The following NAA16 variants were observed in gnomAD, a reference collection of about 807,000 sequenced individuals.
NAA16 encodes the protein N-alpha-acetyltransferase 16, NatA auxiliary subunit.
Under a neutral mutation model 110.3 loss-of-function variants are expected in NAA16, and 97 were observed. The observed-to-expected ratio is 0.88, with a 90% CI of 0.75 to 1.04. The LOEUF (loss-of-function observed/expected upper bound fraction) is 1.04, where lower values mean the gene tolerates loss of function less well. Among genes scored for constraint, NAA16 ranks in the 50% least tolerant of loss-of-function variants. The pLI is 0.00. For missense variants in NAA16, 1,017 were observed against 1,005.1 expected (o/e 1.01, Z -0.16); for synonymous variants, 372 against 330.6 (o/e 1.13, Z -1.36).
intron 18 of NAA16, chr13:41,373,992 G>T: frequency 1.5e-6 from 1 of 658,116 alleles, no homozygotes; most frequent in Non-Finnish European, 2.1e-6. Context: ...TTATTCAAAG[G>T]GTTTGTGATA....
intron 13 of NAA16, among the ~76,000 whole-genome samples, chr13:41,365,756 G>A (rs2043195934): frequency 2.6e-5 from 4 of 152,312 alleles, no homozygotes; most frequent in African/African-American, 9.6e-5. Context: ...CAGCCTATGG[G>A]CTGTTACTGA....
rs2042224559 is a variant in NAA16 at position 41,331,071 on chromosome 13, G to A, written c.812-203G>A. Among the ~76,000 whole-genome samples, 6 of 152,002 alleles carry A rather than the reference G, an allele frequency of 3.9e-5. No individual in the cohort carries two copies. In the South Asian group the frequency reaches 1.2e-3, roughly 31 times the overall value. On this transcript the variant is annotated intron_variant, in intron 7 of 19. Transcript: ENST00000379406. Reference sequence around the variant, plus strand: ...AATGAGAGAAGTTTTGGATTTTTCTGGAGATGAGTTTAAAACAGTGACTTA... The same window carrying A: ...AATGAGAGAAGTTTTGGATTTTTCTAGAGATGAGTTTAAAACAGTGACTTA...
intron 9 of NAA16, among the ~76,000 whole-genome samples, chr13:41,343,505 C>G (rs2042606662): frequency 6.6e-6 from 1 of 151,850 alleles, no homozygotes. Flanking sequence ...TTGTTTTCCC[C>G]CTAGCAGTTT....
chr13:41,347,238 AAC>A (rs1566276635), intron 9 of NAA16, among the ~76,000 whole-genome samples: 2 of 149,640 alleles, frequency 1.3e-5, no homozygotes, highest in African/African-American at 2.4e-5. Flanking sequence ...CAAAAACAAA[AAC>A]AAAAAAAGAA....
intron 13 of NAA16, among the ~76,000 whole-genome samples, chr13:41,367,199 G>T: frequency 6.6e-6 from 1 of 152,088 alleles, no homozygotes; most frequent in Non-Finnish European, 1.5e-5. Flanking sequence ...TTATATAGAA[G>T]TTGAGTATCA....
At chr13:41,374,635 C>T (rs1593539504) in intron 18 of NAA16, 107 bp from the exon 19 acceptor site, 2 of 707,342 alleles carry the variant, frequency 2.8e-6, no homozygotes, top group East Asian at 5.4e-5. Flanking sequence ...CTCCAGCTTA[C>T]CACTGATTAA....
intron 14 of NAA16, among the ~76,000 whole-genome samples, chr13:41,368,804 T>C (rs1331012045): frequency 1.3e-5 from 2 of 152,202 alleles, no homozygotes; most frequent in African/African-American, 4.8e-5. Flanking sequence ...CATAATATAA[T>C]TTATGAAAAA....
chr13:41,328,784 T>C lies in NAA16; in HGVS notation c.752T>C (p.Ile251Thr). The C allele has an allele frequency of 6.2e-7, 1 of 1,607,036 alleles. No homozygotes were observed. The highest frequency in any genetic ancestry group is 8.5e-7 in the Non-Finnish European group (1 of 1,174,102). Residue 251 changes from isoleucine to threonine, a missense_variant, in exon 7 of 20, where the codon ATT becomes ACT. Physicochemically the swap from Ile to Thr is moderately conservative, Grantham distance 89. Coordinates refer to ENST00000379406, the MANE Select transcript of NAA16 (RefSeq NM_024561.5). ...KEASEVFKNL[I>T]DRNAENWCYY... ...GCCAGTGAAGTGTTCAAAAACTTGATTGATCGAAATGCAGAAAATTGGTGT... is the reference window on the plus strand; with the variant it reads ...GCCAGTGAAGTGTTCAAAAACTTGACTGATCGAAATGCAGAAAATTGGTGT...
intron 1 of NAA16, among the ~76,000 whole-genome samples, chr13:41,315,550 T>G (rs1369881983): frequency 6.6e-6 from 1 of 152,186 alleles, no homozygotes; most frequent in Non-Finnish European, 1.5e-5. Context: ...AGTTTCAGTT[T>G]CCACATCTCT....
intron 1 of NAA16, 149 bp downstream of exon 1, chr13:41,311,731 T>G: frequency 4.2e-6 from 3 of 721,144 alleles, no homozygotes; most frequent in Non-Finnish European, 6.7e-6. Flanking sequence ...GGACCCCACT[T>G]TCCCGCTCCG....
intron 1 of NAA16, 31 bp downstream of exon 1, chr13:41,311,613 C>A: frequency 6.3e-7 from 1 of 1,591,618 alleles, no homozygotes; most frequent in South Asian, 1.1e-5. Context: ...CTGCCGCCCC[C>A]CGGTCCCCGG....
chr13:41,327,377 T>C (rs2042120857), intron 6 of NAA16, among the ~76,000 whole-genome samples: 1 of 152,092 alleles, frequency 6.6e-6, no homozygotes, highest in Non-Finnish European at 1.5e-5. Flanking sequence ...CTCAGGTTGC[T>C]GTTTCTCTTT....
At chr13:41,342,067 C>T (rs9315832) in intron 9 of NAA16, among the ~76,000 whole-genome samples, 143,649 of 151,676 alleles carry the variant, frequency 0.95, 68,089 homozygotes, top group South Asian at 0.99. Context: ...CTCCTGACCT[C>T]GTGATCCGCC....
intron 9 of NAA16, among the ~76,000 whole-genome samples, chr13:41,351,420 C>G (rs2042831868): frequency 6.6e-6 from 1 of 152,168 alleles, no homozygotes; most frequent in South Asian, 2.1e-4. Context: ...GAACCTAATT[C>G]AGCAATTTTG....
chr13:41,344,597 TCTA>T (rs138246710), intron 9 of NAA16, among the ~76,000 whole-genome samples: 56 of 152,324 alleles, frequency 3.7e-4, no homozygotes, highest in African/African-American at 1.3e-3. Context: ...AACAAAGGAT[TCTA>T]CTGTTGACGT....
chr13:41,324,785 A>C (rs752226630), intron 5 of NAA16, among the ~76,000 whole-genome samples: 11 of 151,310 alleles, frequency 7.3e-5, no homozygotes, highest in Admixed American at 1.3e-4. Flanking sequence ...TTAGGCTACG[A>C]CTAGGACTTG....
rs753095735 is a variant in NAA16, at chr13:41,355,138, T to C, written c.1015-6T>C. ...TTTAAATTTTAAAAATATGTTTCTT[T>C]AACAGGTTTCTATAATCCAGGAACT... On this transcript the variant is annotated splice_region_variant and splice_polypyrimidine_tract_variant and intron_variant, in intron 9 of 19. Coordinates refer to ENST00000379406, the MANE Select transcript of NAA16 (RefSeq NM_024561.5). 1.3e-6 allele frequency: 2 copies of C among 1,535,640 alleles called. No homozygotes were observed. The highest frequency in any genetic ancestry group is 1.8e-6 in the Non-Finnish European group (2 of 1,130,492).
chr13:41,325,862 T>C lies in NAA16; in HGVS notation c.691+11T>C, dbSNP rs1175971297. ...TGGAAGAAATTAAAGGTAAGTTGGC[T>C]TGCCTTTTTTTAATAGCCTCAAACA... On this transcript the variant is annotated intron_variant, in intron 6 of 19. Transcript: ENST00000379406. 1.9e-6 allele frequency: 3 copies of C among 1,588,908 alleles called. No individual in the cohort carries two copies. Among genetic ancestry groups the C allele is most frequent in the Non-Finnish European group, 2.6e-6 (3 of 1,170,268 alleles).
At chr13:41,356,181 G>A (rs1326461600) in intron 10 of NAA16, among the ~76,000 whole-genome samples, 1 of 149,680 alleles carries the variant, frequency 6.7e-6, no homozygotes, top group Non-Finnish European at 1.5e-5. Flanking sequence ...GCATACGCGC[G>A]CACACGCGGG....
Sources: gnomAD v4.1 joint callset for allele counts (sites outside exome capture counted in the v4.1 genomes callset) on GRCh38, gnomAD v4.1.1 for gene constraint, MANE v1.5 for transcripts, NCBI Gene and HGNC (gene_info 2026-07-23, HGNC 2026-07-21) for gene names.